The following CDH12 variants were observed in gnomAD, a reference collection of about 807,000 sequenced individuals.
CDH12 encodes the protein cadherin-12.
CDH12 carries 41 observed loss-of-function variants against 74.1 expected under a neutral mutation model. That is an observed-to-expected ratio of 0.55 (90% confidence interval 0.43 to 0.72). The LOEUF (loss-of-function observed/expected upper bound fraction) is 0.72, where lower values mean the gene tolerates loss of function less well. Among genes scored for constraint, CDH12 ranks in the 30% least tolerant of loss-of-function variants. CDH12 has a pLI of 0.00. For missense variants in CDH12, 945 were observed against 977.2 expected (o/e 0.97, Z 0.44); for synonymous variants, 399 against 355.0 (o/e 1.12, Z -1.39).
At chr5:22,427,114 G>A (rs770648202) in intron 2 of CDH12, among the ~76,000 whole-genome samples, 3 of 152,106 alleles carry the variant, frequency 2.0e-5, no homozygotes, top group Non-Finnish European at 4.4e-5. Flanking sequence ...ATAAGTGGGT[G>A]AAGATTAAGT....
intron 5 of CDH12, among the ~76,000 whole-genome samples, chr5:22,068,605 C>T (rs1268814483): frequency 2.0e-5 from 3 of 152,106 alleles, no homozygotes; most frequent in Non-Finnish European, 4.4e-5. Context: ...ATGATTGGAA[C>T]ATTAATGACA....
intron 3 of CDH12, among the ~76,000 whole-genome samples, chr5:22,281,413 T>C (rs1259970972): frequency 6.6e-6 from 1 of 152,072 alleles, no homozygotes; most frequent in Non-Finnish European, 1.5e-5. Context: ...GGTATTCAAA[T>C]AGGAAGAGAG....
At chr5:22,505,241 T>A in intron 2 of CDH12, 29 bp downstream of exon 2, 1 of 751,434 alleles carries the variant, frequency 1.3e-6, no homozygotes, top group South Asian at 6.0e-5. Flanking sequence ...GGTAAAAGCA[T>A]ATATCTTGAT....
chr5:22,108,286 T>C (rs758726338), intron 4 of CDH12, among the ~76,000 whole-genome samples: 10 of 152,220 alleles, frequency 6.6e-5, no homozygotes, highest in Non-Finnish European at 8.8e-5. Flanking sequence ...CTTCGTCTTC[T>C]GCCACGACTG....
At chr5:22,452,521 C>G (rs565605306) in intron 2 of CDH12, among the ~76,000 whole-genome samples, 2 of 151,744 alleles carry the variant, frequency 1.3e-5, no homozygotes, top group Non-Finnish European at 2.9e-5. Context: ...TATCCACATG[C>G]GGAAGAATGA....
intron 4 of CDH12, among the ~76,000 whole-genome samples, chr5:22,080,237 G>C (rs942289594): frequency 2.6e-5 from 4 of 152,100 alleles, no homozygotes; most frequent in Non-Finnish European, 5.9e-5. Flanking sequence ...CTGCAGTTCA[G>C]AACAATGTGT....
At chr5:22,734,007 G>A (rs1744562833) in intron 1 of CDH12, among the ~76,000 whole-genome samples, 4 of 151,962 alleles carry the variant, frequency 2.6e-5, no homozygotes, top group South Asian at 4.1e-4. Flanking sequence ...AACAGATCCA[G>A]AGTTAAGTCT....
chr5:21,772,974 C>G (rs191323638), intron 11 of CDH12, among the ~76,000 whole-genome samples: 1 of 152,038 alleles, frequency 6.6e-6, no homozygotes, highest in East Asian at 1.9e-4. Context: ...CAGTAATGTA[C>G]GCAAAAGCAG....
intron 3 of CDH12, among the ~76,000 whole-genome samples, chr5:22,327,706 T>C (rs1739180684): frequency 6.6e-6 from 1 of 152,202 alleles, no homozygotes; most frequent in Non-Finnish European, 1.5e-5. Flanking sequence ...TGTAACTCTC[T>C]TTTCTGTCTT....
At chr5:21,785,314 G>A (rs913949828) in intron 10 of CDH12, among the ~76,000 whole-genome samples, 4 of 152,034 alleles carry the variant, frequency 2.6e-5, no homozygotes, top group Non-Finnish European at 4.4e-5. Context: ...CAACAATATC[G>A]AAAATAAGTC....
intron 1 of CDH12, among the ~76,000 whole-genome samples, chr5:22,714,909 A>G (rs1743491168): frequency 6.6e-6 from 1 of 151,434 alleles, no homozygotes; most frequent in South Asian, 2.1e-4. Context: ...TTGATGGAAC[A>G]CTTTTTAGAT....
intron 1 of CDH12, among the ~76,000 whole-genome samples, chr5:22,688,548 T>C (rs1309596572): frequency 6.6e-6 from 1 of 152,230 alleles, no homozygotes; most frequent in Non-Finnish European, 1.5e-5. Flanking sequence ...ATTTCTATTA[T>C]ATTCTTTTCT....
chr5:22,053,646 G>A (rs1388932150), intron 5 of CDH12, among the ~76,000 whole-genome samples: 1 of 152,010 alleles, frequency 6.6e-6, no homozygotes, highest in East Asian at 1.9e-4. Context: ...TCAGGCAGAA[G>A]ACAATAGTAC....
intron 1 of CDH12, among the ~76,000 whole-genome samples, chr5:22,678,693 C>T (rs868197077): frequency 7.8e-4 from 119 of 152,104 alleles, no homozygotes; most frequent in African/African-American, 2.6e-3. Context: ...ATTTGAACTT[C>T]TTTAGTACTA....
intron 1 of CDH12, among the ~76,000 whole-genome samples, chr5:22,635,486 T>C (rs1402828373): frequency 2.6e-5 from 4 of 152,164 alleles, no homozygotes; most frequent in Admixed American, 6.6e-5. Context: ...AAGTTGGTAA[T>C]TTGGATTTCA....
At position 21,777,397 on chromosome 5, in the gene CDH12, A is replaced by G. The variant is rs568859216; in HGVS notation, c.1393+5961T>C. On this transcript the variant is annotated intron_variant, in intron 11 of 14. Coordinates refer to ENST00000382254, the MANE Select transcript of CDH12 (RefSeq NM_004061.5). ...TGTAAGCCCTCTAATAAGCTTAAAT[A>G]TAGATAGATAATAAATACGTATTTC... is the stretch of plus-strand genomic sequence containing the variant. Among the ~76,000 whole-genome samples the G allele has an allele frequency of 1.4e-4, 22 of 152,332 alleles. No individual in the cohort carries two copies. In the South Asian group the frequency reaches 4.6e-3, roughly 32 times the overall value.
chr5:22,510,747 A>G (rs1295149703), intron 1 of CDH12, among the ~76,000 whole-genome samples: 1 of 152,108 alleles, frequency 6.6e-6, no homozygotes, highest in Non-Finnish European at 1.5e-5. Context: ...TTTTCTAATT[A>G]TGTTCAATCT....
At chr5:22,278,776 GAATA>G (rs1195711874) in intron 3 of CDH12, among the ~76,000 whole-genome samples, 1 of 152,062 alleles carries the variant, frequency 6.6e-6, no homozygotes, top group Non-Finnish European at 1.5e-5. Context: ...TACTTCTGAA[GAATA>G]AATAATTTTG....
chr5:22,084,064 G>A (rs1742912393), intron 4 of CDH12, among the ~76,000 whole-genome samples: 1 of 152,126 alleles, frequency 6.6e-6, no homozygotes, highest in African/African-American at 2.4e-5. Context: ...GGCAGAGGTA[G>A]GAAATAATAG....
Sources: gnomAD v4.1 joint callset for allele counts (sites outside exome capture counted in the v4.1 genomes callset) on GRCh38, gnomAD v4.1.1 for gene constraint, MANE v1.5 for transcripts, NCBI Gene and HGNC (gene_info 2026-07-23, HGNC 2026-07-21) for gene names.